The following IMMP1L variants were observed in gnomAD, a reference collection of about 807,000 sequenced individuals.
The protein encoded by IMMP1L is mitochondrial inner membrane protease subunit 1.
Under a neutral mutation model 21.8 loss-of-function variants are expected in IMMP1L, and 24 were observed. The ratio of observed to expected loss-of-function variants is 1.10; its 90% CI spans 0.80 to 1.55. IMMP1L has a LOEUF of 1.55. IMMP1L is among the 40% of genes most tolerant of loss of function. The pLI is 0.00. For synonymous variants in IMMP1L, 46 were observed against 62.8 expected (o/e 0.73, Z 1.26); for missense variants, 195 against 200.7 (o/e 0.97, Z 0.17).
chr11:31,440,147 C>T (rs1350693510), intron 4 of IMMP1L, among the ~76,000 whole-genome samples: 3 of 152,180 alleles, frequency 2.0e-5, no homozygotes, highest in African/African-American at 7.2e-5. Flanking sequence ...CTGTGCTTTG[C>T]TTGACTTTCC....
At chr11:31,501,242 C>T (rs1955608320) in intron 1 of IMMP1L, among the ~76,000 whole-genome samples, 1 of 152,160 alleles carries the variant, frequency 6.6e-6, no homozygotes, top group African/African-American at 2.4e-5. Context: ...AAAAAACATA[C>T]CTAAGTGCTA....
chr11:31,436,175 A>AT (rs1213393081), intron 4 of IMMP1L, among the ~76,000 whole-genome samples: 3 of 151,744 alleles, frequency 2.0e-5, no homozygotes, highest in Non-Finnish European at 2.9e-5. Context: ...TTCCCAATCT[A>AT]TTTTTTGTCT....
intron 1 of IMMP1L, among the ~76,000 whole-genome samples, chr11:31,468,601 G>GCTA (rs1954441836): frequency 6.6e-6 from 1 of 152,018 alleles, no homozygotes; most frequent in Admixed American, 6.6e-5. Flanking sequence ...TATTTACTGA[G>GCTA]CTACTACTAC....
intron 5 of IMMP1L, among the ~76,000 whole-genome samples, chr11:31,432,974 A>G (rs1468863292): frequency 6.6e-6 from 1 of 152,174 alleles, no homozygotes; most frequent in Non-Finnish European, 1.5e-5. Flanking sequence ...AGCTCCATGT[A>G]TTCATGAATG....
At chr11:31,487,507 G>A (rs951947322) in intron 1 of IMMP1L, among the ~76,000 whole-genome samples, 10 of 152,066 alleles carry the variant, frequency 6.6e-5, no homozygotes, top group African/African-American at 2.4e-4. Context: ...ACTTGTCTAT[G>A]CATACAACAT....
intron 3 of IMMP1L, among the ~76,000 whole-genome samples, chr11:31,457,764 A>G (rs1244708632): frequency 6.6e-6 from 1 of 152,224 alleles, no homozygotes; most frequent in Non-Finnish European, 1.5e-5. Context: ...ATAAGAGAAT[A>G]AAAGATACCA....
chr11:31,487,862 A>G (rs1376953741), intron 1 of IMMP1L, among the ~76,000 whole-genome samples: 1 of 152,118 alleles, frequency 6.6e-6, no homozygotes, highest in Non-Finnish European at 1.5e-5. Context: ...GACTATCAGT[A>G]CTTTCATCAG....
chr11:31,477,002 CTATT>C (rs1443459815), intron 1 of IMMP1L: 1 of 152,018 alleles, frequency 6.6e-6, no homozygotes, highest in African/African-American at 2.4e-5. Flanking sequence ...TTCAGTATTC[CTATT>C]TACTCTATAC....
intron 1 of IMMP1L, among the ~76,000 whole-genome samples, chr11:31,500,595 A>ACG (rs1476145949): frequency 4.7e-5 from 7 of 147,700 alleles, no homozygotes; most frequent in African/African-American, 1.3e-4. Context: ...CCACATATGC[A>ACG]CACACACACA....
chr11:31,451,663 A>G (rs1468312803), intron 4 of IMMP1L, among the ~76,000 whole-genome samples: 1 of 152,170 alleles, frequency 6.6e-6, no homozygotes, highest in East Asian at 1.9e-4. Flanking sequence ...ATTATTCATT[A>G]AAGTGAAGAT....
chr11:31,482,145 G>A (rs1954914160), intron 1 of IMMP1L, among the ~76,000 whole-genome samples: 1 of 151,946 alleles, frequency 6.6e-6, no homozygotes, highest in Non-Finnish European at 1.5e-5. Context: ...ACGGTCATCG[G>A]CCTAAGTCCA....
intron 4 of IMMP1L, among the ~76,000 whole-genome samples, chr11:31,441,089 A>C (rs1382693097): frequency 6.6e-6 from 1 of 152,118 alleles, no homozygotes; most frequent in African/African-American, 2.4e-5. Flanking sequence ...ATAACTGTAA[A>C]ATTTTTAAAA....
chr11:31,505,368 A>G (rs1348520913), intron 1 of IMMP1L, among the ~76,000 whole-genome samples: 1 of 152,238 alleles, frequency 6.6e-6, no homozygotes, highest in Non-Finnish European at 1.5e-5. Flanking sequence ...ACCACACCAG[A>G]GGCATTAACA....
At chr11:31,441,192 T>C (rs1953315703) in intron 4 of IMMP1L, among the ~76,000 whole-genome samples, 1 of 152,140 alleles carries the variant, frequency 6.6e-6, no homozygotes, top group Non-Finnish European at 1.5e-5. Flanking sequence ...AATATATGTG[T>C]ATGTGTGTCT....
intron 1 of IMMP1L, among the ~76,000 whole-genome samples, chr11:31,497,539 G>A (rs1269151009): frequency 1.4e-5 from 2 of 145,670 alleles, no homozygotes; most frequent in South Asian, 2.2e-4. Flanking sequence ...TCCGCTCACC[G>A]CAACCTCCGC....
chr11:31,476,642 G>A (rs1223089), intron 1 of IMMP1L, among the ~76,000 whole-genome samples: 58,329 of 151,704 alleles, frequency 0.38, 14,436 homozygotes, highest in African/African-American at 0.71. Flanking sequence ...CTAAACAAAA[G>A]AGCTATGAGA....
chr11:31,500,675 A>C (rs1369718033), intron 1 of IMMP1L, among the ~76,000 whole-genome samples: 1 of 152,132 alleles, frequency 6.6e-6, no homozygotes, highest in East Asian at 1.9e-4. Flanking sequence ...AGGGCAAATG[A>C]AATAAAAATA....
intron 1 of IMMP1L, among the ~76,000 whole-genome samples, chr11:31,497,642 A>C (rs963625558): frequency 3.9e-5 from 6 of 152,104 alleles, no homozygotes; most frequent in Admixed American, 1.3e-4. Context: ...TTCTATTTTT[A>C]GTAGAGACGG....
At chr11:31,482,585 T>C (rs1954932626) in intron 1 of IMMP1L, among the ~76,000 whole-genome samples, 1 of 152,024 alleles carries the variant, frequency 6.6e-6, no homozygotes, top group South Asian at 2.1e-4. Flanking sequence ...ACAGCCAATA[T>C]ACATATGAAA....
Sources: gnomAD v4.1 joint callset for allele counts (sites outside exome capture counted in the v4.1 genomes callset) on GRCh38, gnomAD v4.1.1 for gene constraint, MANE v1.5 for transcripts, NCBI Gene and HGNC (gene_info 2026-07-23, HGNC 2026-07-21) for gene names.